RGS6: variants seen among roughly 807,000 people sequenced by gnomAD.
The protein encoded by RGS6 is regulator of G protein signaling 6, also known as regulator of G-protein signaling 6.
RGS6 carries 30 observed loss-of-function variants against 78.5 expected under a neutral mutation model. The observed-to-expected ratio is 0.38, with a 90% CI of 0.29 to 0.52. The LOEUF (loss-of-function observed/expected upper bound fraction) is 0.52. Among genes scored for constraint, RGS6 ranks in the 20% least tolerant of loss-of-function variants. The pLI is 0.85. For missense variants in RGS6, 495 were observed against 609.7 expected, an observed-to-expected ratio of 0.81 and a Z score of 1.98; for synonymous variants, 206 against 206.0, an observed-to-expected ratio of 1.00 and a Z score of 0.00.
intron 2 of RGS6, among the ~76,000 whole-genome samples, chr14:72,056,234 C>T (rs879700409): frequency 6.6e-6 from 1 of 152,210 alleles, no homozygotes; most frequent in Non-Finnish European, 1.5e-5. Context: ...CGCCGTGTCA[C>T]AGAGCTCCCT....
At chr14:72,505,890 G>C (rs961548459) in intron 13 of RGS6, among the ~76,000 whole-genome samples, 1 of 152,208 alleles carries the variant, frequency 6.6e-6, no homozygotes, top group African/African-American at 2.4e-5. Flanking sequence ...TTTGAATCTG[G>C]CTTTCTTGTC....
the RGS6 span, among the ~76,000 whole-genome samples, chr14:72,623,047 C>T: frequency 6.6e-6 from 1 of 152,154 alleles, no homozygotes; most frequent in Non-Finnish European, 1.5e-5. Context: ...CTAAGATATT[C>T]AGAGAAAACA....
Position 72,545,809 on chromosome 14 carries a change from G to A in RGS6, c.1422+5715G>A, listed in dbSNP as rs921584578. On this transcript the variant is annotated intron_variant, in intron 17 of 17. Coordinates refer to ENST00000553525, the MANE Select transcript of RGS6 (RefSeq NM_001204424.2). ...AGGGTTCACTCGTCCACGGTGAGTCGCCGGAGGGTCAGGGAGGACTCACAG... is the reference window on the plus strand; with the variant it reads ...AGGGTTCACTCGTCCACGGTGAGTCACCGGAGGGTCAGGGAGGACTCACAG... 6.6e-5 allele frequency among the ~76,000 whole-genome samples: 10 copies of A among 152,110 alleles called. No individual in the cohort carries two copies. In the South Asian group the frequency reaches 1.0e-3, roughly 16 times the overall value.
chr14:72,263,979 C>A (rs1460308202), intron 2 of RGS6, among the ~76,000 whole-genome samples: 1 of 152,194 alleles, frequency 6.6e-6, no homozygotes, highest in African/African-American at 2.4e-5. Flanking sequence ...CGTATACACA[C>A]TGTTTACTGA....
At chr14:72,502,380 C>G (rs1371964310) in intron 13 of RGS6, among the ~76,000 whole-genome samples, 1 of 152,196 alleles carries the variant, frequency 6.6e-6, no homozygotes, top group Non-Finnish European at 1.5e-5. Context: ...GTGAGAACCA[C>G]CCAGTGGAGC....
intron 3 of RGS6, 151 bp from the exon 4 acceptor site, chr14:72,454,377 A>G: frequency 1.4e-6 from 1 of 724,974 alleles, no homozygotes; most frequent in African/African-American, 1.7e-5. Context: ...AAGAATGGAA[A>G]GGGTTGGTTA....
At chr14:72,095,512 C>T (rs1040826758) in intron 2 of RGS6, among the ~76,000 whole-genome samples, 12 of 152,156 alleles carry the variant, frequency 7.9e-5, no homozygotes, top group African/African-American at 1.2e-4. Context: ...AAAGTTTCAT[C>T]GGAACTCCCC....
intron 2 of RGS6, among the ~76,000 whole-genome samples, chr14:72,291,538 T>C (rs1290834635): frequency 6.6e-6 from 1 of 152,228 alleles, no homozygotes; most frequent in Admixed American, 6.5e-5. Flanking sequence ...CTCTGTCTTA[T>C]TCATCTCTGT....
At chr14:71,945,831 A>G (rs942844385) in intron 1 of RGS6, among the ~76,000 whole-genome samples, 1 of 152,210 alleles carries the variant, frequency 6.6e-6, no homozygotes, top group African/African-American at 2.4e-5. Flanking sequence ...AACCAATTTC[A>G]ATTAGAAAAA....
At chr14:72,568,950 G>C (rs1047786884), downstream of RGS6, among the ~76,000 whole-genome samples, 8 of 152,192 alleles carry the variant, frequency 5.3e-5, no homozygotes, top group East Asian at 1.3e-3. Context: ...TACATCACAG[G>C]ATGGCTCTGG....
chr14:72,474,781 C>T (rs2096190414), intron 10 of RGS6, 82 bp downstream of exon 10: 2 of 1,101,116 alleles, frequency 1.8e-6, no homozygotes, highest in Non-Finnish European at 2.6e-6. Context: ...TAATTTGCTA[C>T]TTGTAATTCT....
intron 14 of RGS6, among the ~76,000 whole-genome samples, chr14:72,512,397 C>T (rs966308228): frequency 2.6e-5 from 4 of 152,204 alleles, no homozygotes; most frequent in Non-Finnish European, 5.9e-5. Flanking sequence ...ACACTTAAAG[C>T]CCAGAGTGCA....
At chr14:72,091,722 G>A (rs939165208) in intron 2 of RGS6, among the ~76,000 whole-genome samples, 6 of 152,102 alleles carry the variant, frequency 3.9e-5, no homozygotes, top group Non-Finnish European at 8.8e-5. Context: ...AGAGTGGAAG[G>A]GGCCAAGCCG....
intron 1 of RGS6, among the ~76,000 whole-genome samples, chr14:71,949,780 A>ATTTTTTTTTT (rs3053024): frequency 7.8e-6 from 1 of 128,900 alleles, no homozygotes; most frequent in Non-Finnish European, 1.7e-5. Flanking sequence ...TAGAAGCTCT[A>ATTTTTTTTTT]TTTTTTTTTT....
At chr14:72,569,500 T>A (rs2097717783), downstream of RGS6, among the ~76,000 whole-genome samples, 1 of 152,102 alleles carries the variant, frequency 6.6e-6, no homozygotes, top group African/African-American at 2.4e-5. Flanking sequence ...GTCAACATGG[T>A]GAAACCCCAT....
intron 3 of RGS6, among the ~76,000 whole-genome samples, chr14:72,367,359 C>T (rs2082639538): frequency 6.6e-6 from 1 of 152,208 alleles, no homozygotes; most frequent in African/African-American, 2.4e-5. Context: ...AAGACCCCTA[C>T]AGAGTGCTCT....
chr14:72,336,802 G>A (rs2076106400), intron 2 of RGS6, among the ~76,000 whole-genome samples: 1 of 151,994 alleles, frequency 6.6e-6, no homozygotes, highest in South Asian at 2.1e-4. Flanking sequence ...TTCCTTCTCG[G>A]GGCTGCCAGG....
Position 72,563,077 on chromosome 14 carries a change from G to A in RGS6, c.*610G>A, listed in dbSNP as rs773157831. On this transcript the variant is annotated 3_prime_UTR_variant, in exon 18 of 18. Coordinates refer to ENST00000553525, the MANE Select transcript of RGS6 (RefSeq NM_001204424.2). ...AGAAAGCAACCTCACGGATTGCCCCGCCTCAAGGTCTTTCCACCCTCTTTG... is the reference window on the plus strand; with the variant it reads ...AGAAAGCAACCTCACGGATTGCCCCACCTCAAGGTCTTTCCACCCTCTTTG... 5.4e-4 allele frequency: 220 copies of A among 404,236 alleles called. 1 individual carries two copies. Among genetic ancestry groups the A allele is most frequent in the Admixed American group, 6.4e-4 (18 of 28,086 alleles). The allele number at this position is 404,236 out of a possible 1,614,324, so 25.0% of individuals were successfully genotyped here.
chr14:71,961,230 CAG>C (rs996934167), intron 1 of RGS6, among the ~76,000 whole-genome samples: 1 of 152,122 alleles, frequency 6.6e-6, no homozygotes, highest in African/African-American at 2.4e-5. Context: ...GCAGTATTGA[CAG>C]AGACACGTGG....
Sources: gnomAD v4.1 joint callset for allele counts (sites outside exome capture counted in the v4.1 genomes callset) on GRCh38, gnomAD v4.1.1 for gene constraint, MANE v1.5 for transcripts, NCBI Gene and HGNC (gene_info 2026-07-23, HGNC 2026-07-21) for gene names.